The following CHTF8 variants were observed in gnomAD, a reference collection of about 807,000 sequenced individuals.
The protein encoded by CHTF8 is chromosome transmission fidelity factor 8.
CHTF8 carries 6 observed loss-of-function variants against 11.0 expected under a neutral mutation model. The observed-to-expected ratio is 0.55, with a 90% CI of 0.30 to 1.08. The LOEUF (loss-of-function observed/expected upper bound fraction) is 1.08. Among genes scored for constraint, CHTF8 ranks in the 50% least tolerant of loss-of-function variants. The pLI is 0.07. For synonymous variants in CHTF8, 53 were observed against 60.5 expected (o/e 0.88, Z 0.57); for missense variants, 140 against 153.1 (o/e 0.91, Z 0.45).
At chr16:69,121,392 C>G (rs748245611) in intron 2 of CHTF8, 44 bp downstream of exon 2, 18 of 1,554,260 alleles carry the variant, frequency 1.2e-5, no homozygotes, top group Middle Eastern at 3.4e-4. Context: ...CTCTATAGCC[C>G]TCATCATTTC....
chr16:69,123,563 A>G (rs1961834983), intron 1 of CHTF8, among the ~76,000 whole-genome samples: 1 of 152,028 alleles, frequency 6.6e-6, no homozygotes, highest in South Asian at 2.1e-4. Flanking sequence ...AGGCTGAGGT[A>G]AGAGAATCAC....
At chr16:69,125,533 C>T (rs951822329) in intron 1 of CHTF8, among the ~76,000 whole-genome samples, 7 of 152,160 alleles carry the variant, frequency 4.6e-5, no homozygotes, top group Non-Finnish European at 8.8e-5. Context: ...ATCAAGGCAT[C>T]AGGCAGGCAT....
At position 69,120,709 on chromosome 16, in the gene CHTF8, G is replaced by A. The variant is rs1487268452; in HGVS notation, c.142-60C>T. 3.3e-5 allele frequency: 47 copies of A among 1,404,146 alleles called. 1 individual carries two copies. The South Asian group carries it at 3.5e-4, about 11-fold the overall frequency. The allele number at this position is 1,404,146 out of a possible 1,614,324, so 87.0% of individuals were successfully genotyped here. The stretch of plus-strand genomic sequence containing the variant: ...CGGGGCAAGGCCATAACACTCAGGC[G>A]CCTCCTAAAGCTGCTCTTGGCAGGC... On this transcript the variant is annotated intron_variant, in intron 3 of 3. Transcript: ENST00000448552. This position sits in a 1 kb window ranked among gnomAD's most constrained non-coding sequence, Gnocchi z 4.0.
Position 69,121,502 on chromosome 16 carries a change from A to T in CHTF8, c.-35-9T>A, listed in dbSNP as rs749100832. On this transcript the variant is annotated splice_polypyrimidine_tract_variant and intron_variant, in intron 1 of 3. Coordinates refer to ENST00000448552, the MANE Select transcript of CHTF8 (RefSeq NM_001039690.5). ...AAGCAAGTGAAAACAAGCTGTAGAG[A>T]GAAAAAAAGAGATTTAGGGTAATAA... 2 of 1,530,218 alleles carry T rather than the reference A, an allele frequency of 1.3e-6. No individual in the cohort carries two copies. Among genetic ancestry groups the T allele is most frequent in the African/African-American group, 2.8e-5 (2 of 71,776 alleles). The allele number at this position is 1,530,218 out of a possible 1,614,324, so 94.8% of individuals were successfully genotyped here.
rs1477493879 is a variant in CHTF8 at position 69,119,247 on chromosome 16, T to A, written c.*1178A>T. On this transcript the variant is annotated 3_prime_UTR_variant, in exon 4 of 4. Transcript: ENST00000448552. ...AGGCTCTTGGGAAAATGGTTGGATTTGAGCCCTGGAGGCCAGCGGACCTTT... is the reference window on the plus strand; with the variant it reads ...AGGCTCTTGGGAAAATGGTTGGATTAGAGCCCTGGAGGCCAGCGGACCTTT... 12 of 703,030 alleles carry A rather than the reference T, an allele frequency of 1.7e-5. No individual in the cohort carries two copies. The Admixed American group carries it at 2.4e-4, about 14-fold the overall frequency. The allele number at this position is 703,030 out of a possible 1,614,324, so 43.5% of individuals were successfully genotyped here.
intron 1 of CHTF8, among the ~76,000 whole-genome samples, chr16:69,129,707 A>G (rs1183543277): frequency 6.6e-6 from 1 of 152,178 alleles, no homozygotes; most frequent in African/African-American, 2.4e-5. Flanking sequence ...CCCCTCTTGC[A>G]GTTCTCCTCA....
Position 69,128,832 on chromosome 16 carries a change from A to G in CHTF8, c.-36+3652T>C, listed in dbSNP as rs143005352. ...TATAATCCCAGCACTTTGGGAGCCC[A>G]AGGCGGGTAGATCATGAAGTCATGA... On this transcript the variant is annotated intron_variant, in intron 1 of 3. Coordinates refer to ENST00000448552, the MANE Select transcript of CHTF8 (RefSeq NM_001039690.5). 7.6e-3 allele frequency among the ~76,000 whole-genome samples: 1,162 copies of G among 151,922 alleles called. 17 individuals carry two copies. Among genetic ancestry groups the G allele is most frequent in the African/African-American group, 0.025 (1,046 of 41,444 alleles).
chr16:69,123,369 C>A (rs1226835913), intron 1 of CHTF8, among the ~76,000 whole-genome samples: 1 of 152,096 alleles, frequency 6.6e-6, no homozygotes, highest in Non-Finnish European at 1.5e-5. Flanking sequence ...AAAAATAAAG[C>A]CAAGGGGGCC....
chr16:69,118,199 C>T lies in CHTF8; in HGVS notation c.*2226G>A. ...GAGGTTCTTTGATTGATTGGGAGTA[C>T]CAGTGAAGAGGGAGTTGGATGAGTA... On this transcript the variant is annotated 3_prime_UTR_variant, in exon 4 of 4. Coordinates refer to ENST00000448552, the MANE Select transcript of CHTF8 (RefSeq NM_001039690.5). 2.5e-6 allele frequency: 1 copy of T among 392,998 alleles called. No individual in the cohort carries two copies. The highest frequency in any genetic ancestry group is 4.9e-6 in the Non-Finnish European group (1 of 203,908). 24.3% of individuals were successfully genotyped at this position (392,998 alleles called of 1,614,324 possible). A position where few individuals can be genotyped will look rare whatever the true frequency, so the allele number is the denominator to read the frequency against.
chr16:69,123,113 T>C (rs185503241), intron 1 of CHTF8, among the ~76,000 whole-genome samples: 284 of 152,188 alleles, frequency 1.9e-3, no homozygotes, highest in Middle Eastern at 3.4e-3. Context: ...CAAGATGGAG[T>C]GAGCAAAATC....
chr16:69,125,814 G>A (rs1332135471), intron 1 of CHTF8, among the ~76,000 whole-genome samples: 1 of 152,300 alleles, frequency 6.6e-6, no homozygotes, highest in Middle Eastern at 3.4e-3. Context: ...TGTAAGTGTG[G>A]ACCTCTTTAC....
At chr16:69,124,911 A>C (rs968199044) in intron 1 of CHTF8, among the ~76,000 whole-genome samples, 8 of 151,202 alleles carry the variant, frequency 5.3e-5, no homozygotes, top group African/African-American at 1.7e-4. Flanking sequence ...TCAACTCACT[A>C]GACTTTTTTT....
In CHTF8 at chr16:69,119,559, A is replaced by C. The variant is rs1396943226; in HGVS notation, c.*866T>G. The stretch of plus-strand genomic sequence containing the variant: ...TGTTTCCAGAAGCCTGTGAGAAAGA[A>C]GCTGAATTTGCTCCTAAAAGACCTG... On this transcript the variant is annotated 3_prime_UTR_variant, in exon 4 of 4. Transcript: ENST00000448552. The C allele has an allele frequency of 2.8e-6, 2 of 702,892 alleles. No individual in the cohort carries two copies. The highest frequency in any genetic ancestry group is 3.0e-5 in the South Asian group (2 of 67,598). 43.5% of individuals were successfully genotyped at this position (702,892 alleles called of 1,614,324 possible).
At position 69,120,624 on chromosome 16, in the gene CHTF8, T is replaced by A; in HGVS notation, c.167A>T (p.His56Leu). Residue 56 changes from histidine to leucine, a missense_variant, in exon 4 of 4, where the codon CAT (histidine) becomes CTT (leucine). Coordinates refer to ENST00000448552, the MANE Select transcript of CHTF8 (RefSeq NM_001039690.5). The surrounding 1 kb of genome is among the most constrained non-coding windows in gnomAD (Gnocchi z 4.0). ...TEGIPVLIVG[H>L]HILYGKIIHL... ...GATGATTTTCCCATACAGGATATGA[T>A]GCCCCACGATCAGCACAGGGATTCC... The A allele has an allele frequency of 3.1e-6, 5 of 1,612,892 alleles. No individual in the cohort carries two copies. The highest frequency in any genetic ancestry group is 4.2e-6 in the Non-Finnish European group (5 of 1,178,984).
chr16:69,120,055 G>A lies in CHTF8; in HGVS notation c.*370C>T, dbSNP rs1961511454. 1 of 688,232 alleles carries A rather than the reference G, an allele frequency of 1.5e-6. No individual in the cohort carries two copies. Among genetic ancestry groups the A allele is most frequent in the Non-Finnish European group, 2.6e-6 (1 of 379,676 alleles). The allele number at this position is 688,232 out of a possible 1,614,324, so 42.6% of individuals were successfully genotyped here. ...TGTCCTAGGGTTTAGGGTGGGGCCT[G>A]GGCCTGGGCCTGGCCCCAAGAGGCC... On this transcript the variant is annotated 3_prime_UTR_variant, in exon 4 of 4. Coordinates refer to ENST00000448552, the MANE Select transcript of CHTF8 (RefSeq NM_001039690.5). The surrounding 1 kb of genome is among the most constrained non-coding windows in gnomAD (Gnocchi z 4.0).
At position 69,118,414 on chromosome 16, in the gene CHTF8, T is replaced by C; in HGVS notation, c.*2011A>G. 3 of 1,613,604 alleles carry C rather than the reference T, an allele frequency of 1.9e-6. No homozygotes were observed. Among genetic ancestry groups the C allele is most frequent in the Non-Finnish European group, 8.5e-7 (1 of 1,179,528 alleles). ...AGGTCCAAGCTGCCCAGGTCAGAGC[T>C]ACGGAAGCATGGTCCGTTCACCAAC... On this transcript the variant is annotated 3_prime_UTR_variant, in exon 4 of 4. Coordinates refer to ENST00000448552, the MANE Select transcript of CHTF8 (RefSeq NM_001039690.5).
Position 69,118,882 on chromosome 16 carries a change from A to G in CHTF8, c.*1543T>C, listed in dbSNP as rs961963608. ...AGGGGGCAACATTCCATTTGGGTACATTGCAGCCATTGGACCCCCTGGTCT... is the reference window on the plus strand; with the variant it reads ...AGGGGGCAACATTCCATTTGGGTACGTTGCAGCCATTGGACCCCCTGGTCT... On this transcript the variant is annotated 3_prime_UTR_variant, in exon 4 of 4. Transcript: ENST00000448552. 1.0e-5 allele frequency: 7 copies of G among 702,910 alleles called. No homozygotes were observed. Among genetic ancestry groups the G allele is most frequent in the Non-Finnish European group, 1.8e-5 (7 of 384,974 alleles). 43.5% of individuals were successfully genotyped at this position (702,910 alleles called of 1,614,324 possible).
At position 69,121,479 on chromosome 16, in the gene CHTF8, GC is replaced by G; in HGVS notation, c.-22del. ...ACCATGAGCTTTCTGTCTTTAAAAA[GC>G]AAGTGAAAACAAGCTGTAGAGAGAA... On this transcript the variant is annotated 5_prime_UTR_variant, in exon 2 of 4. Transcript: ENST00000448552. 6.3e-7 allele frequency: 1 copy of G among 1,596,086 alleles called. No individual in the cohort carries two copies.
chr16:69,118,401 C>T lies in CHTF8; in HGVS notation c.*2024G>A. 1.2e-6 allele frequency: 2 copies of T among 1,613,156 alleles called. No individual in the cohort carries two copies. The highest frequency in any genetic ancestry group is 1.7e-6 in the Non-Finnish European group (2 of 1,179,144). On this transcript the variant is annotated 3_prime_UTR_variant, in exon 4 of 4. Transcript: ENST00000448552. ...GTAGAGGATGACCAGGTCCAAGCTG[C>T]CCAGGTCAGAGCTACGGAAGCATGG...
Sources: allele counts gnomAD v4.1 joint callset (sites outside exome capture counted in the v4.1 genomes callset), GRCh38; gene constraint gnomAD v4.1.1; non-coding constraint Gnocchi (gnomAD v3.1); transcripts MANE v1.5; gene names NCBI Gene and HGNC (gene_info 2026-07-23, HGNC 2026-07-21).